The following DNAH1 variants were observed in gnomAD, a reference collection of about 807,000 sequenced individuals.
DNAH1 encodes dynein axonemal heavy chain 1.
Under a neutral mutation model 484.3 loss-of-function variants are expected in DNAH1, and 327 were observed. The ratio of observed to expected loss-of-function variants is 0.68; its 90% CI spans 0.62 to 0.74. The LOEUF (loss-of-function observed/expected upper bound fraction) is 0.74. Ranked by LOEUF, DNAH1 falls within the 30% of genes least tolerant of loss-of-function variation. DNAH1 has a pLI of 0.00. For missense variants in DNAH1, 5,052 were observed against 5,546.8 expected, an observed-to-expected ratio of 0.91 and a Z score of 2.83; for synonymous variants, 2,192 against 2,191.9, an observed-to-expected ratio of 1.00 and a Z score of 0.00.
rs772558487 is a variant in DNAH1, at chr3:52,392,812, C to A, written c.10279-18C>A. 1 of 666,750 alleles carries A rather than the reference C, an allele frequency of 1.5e-6. No individual in the cohort carries two copies. The highest frequency in any genetic ancestry group is 2.6e-6 in the Non-Finnish European group (1 of 383,602). The allele number at this position is 666,750 out of a possible 1,614,324, so 41.3% of individuals were successfully genotyped here. ...CCTTCTGCTCTTTGACCCCTCCCCC[C>A]ACCCACTACACCCACAGGCCAAAGT... is the stretch of plus-strand genomic sequence containing the variant. On this transcript the variant is annotated intron_variant, in intron 64 of 77. Transcript: ENST00000420323.
rs369106781 is a variant in DNAH1, at chr3:52,391,347, T to A, written c.9891+19T>A. The A allele has an allele frequency of 3.9e-5, 62 of 1,600,062 alleles. No individual in the cohort carries two copies. The highest frequency in any genetic ancestry group is 5.1e-5 in the Non-Finnish European group (60 of 1,173,456). ...CAAGCAGGTGGGTCTGCAGTGGTGA[T>A]GGCAGGGTGGCAGTAGGCCTGGACA... is the stretch of plus-strand genomic sequence containing the variant. On this transcript the variant is annotated intron_variant, in intron 62 of 77. Coordinates refer to ENST00000420323, the MANE Select transcript of DNAH1 (RefSeq NM_015512.5).
rs967095736 is a variant in DNAH1, at chr3:52,362,577, A to G, written c.5094+76A>G. 7.6e-7 allele frequency: 1 copy of G among 1,315,634 alleles called. No individual in the cohort carries two copies. The highest frequency in any genetic ancestry group is 2.5e-5 in the East Asian group (1 of 40,446). The allele number at this position is 1,315,634 out of a possible 1,614,324, so 81.5% of individuals were successfully genotyped here. On this transcript the variant is annotated intron_variant, in intron 31 of 77. Coordinates refer to ENST00000420323, the MANE Select transcript of DNAH1 (RefSeq NM_015512.5). The surrounding 1 kb of genome is among the most constrained non-coding windows in gnomAD (Gnocchi z 5.1). Reference sequence around the variant, plus strand: ...TTCAGAGATGCTAAGCCACTTATGCAAGGACACAGTTGCTTGGACTCCAGG... The same window carrying G: ...TTCAGAGATGCTAAGCCACTTATGCGAGGACACAGTTGCTTGGACTCCAGG...
intron 8 of DNAH1, among the ~76,000 whole-genome samples, chr3:52,339,557 C>T (rs144289463): frequency 6.6e-5 from 10 of 152,142 alleles, no homozygotes; most frequent in Admixed American, 3.3e-4. Flanking sequence ...CTGCTTGGTA[C>T]TTGTTTATTT....
At position 52,349,997 on chromosome 3, in the gene DNAH1, G is replaced by T. The variant is rs1179194705; in HGVS notation, c.2535G>T (p.Glu845Asp). 1.2e-6 allele frequency: 2 copies of T among 1,609,796 alleles called. No individual in the cohort carries two copies. Among genetic ancestry groups the T allele is most frequent in the East Asian group, 4.5e-5 (2 of 44,752 alleles). The stretch of plus-strand genomic sequence containing the variant: ...CCTCCTCCCACTGCCAGATCTGCGA[G>T]GAGTTCCGCAGCATCAGCCGCAAGA... Reference protein sequence around the residue: ...NLHKEVDSICEEFRSISRKIY... With the variant: ...NLHKEVDSICDEFRSISRKIY... The change falls in exon 15 of 78, where the codon GAG becomes GAT. Residue 845 changes from glutamate (E) to aspartate (D), a missense_variant. By Grantham distance (45) the Glu-to-Asp change is conservative. Coordinates refer to ENST00000420323, the MANE Select transcript of DNAH1 (RefSeq NM_015512.5).
At chr3:52,394,844 G>T in intron 67 of DNAH1, 71 bp from the exon 68 acceptor site, 1 of 1,573,872 alleles carries the variant, frequency 6.4e-7, no homozygotes, top group Non-Finnish European at 8.6e-7. Flanking sequence ...TGTCCGGCTG[G>T]CCGAATCCCT....
intron 44 of DNAH1, chr3:52,374,710 AG>A (rs1376295124): frequency 7.3e-7 from 1 of 1,373,584 alleles, no homozygotes; most frequent in African/African-American, 1.4e-5. Flanking sequence ...CATTGGAACA[AG>A]ATAATACATG....
chr3:52,365,148 C>T (rs1004023611), intron 34 of DNAH1, 129 bp downstream of exon 34: 11 of 1,301,278 alleles, frequency 8.5e-6, no homozygotes, highest in South Asian at 4.7e-5. Flanking sequence ...GCTGCAGGCC[C>T]GGGCTCTCAG....
In DNAH1 at chr3:52,358,052, C is replaced by A. The variant is rs752988788; in HGVS notation, c.4086+49C>A. The A allele has an allele frequency of 1.0e-5, 14 of 1,402,140 alleles. No individual in the cohort carries two copies. Among genetic ancestry groups the A allele is most frequent in the Non-Finnish European group, 1.4e-5 (14 of 1,025,472 alleles). 86.9% of individuals were successfully genotyped at this position (1,402,140 alleles called of 1,614,324 possible). A position where few individuals can be genotyped will look rare whatever the true frequency, so the allele number is the denominator to read the frequency against. On this transcript the variant is annotated intron_variant, in intron 24 of 77. Coordinates refer to ENST00000420323, the MANE Select transcript of DNAH1 (RefSeq NM_015512.5). The surrounding 1 kb of genome is among the most constrained non-coding windows in gnomAD (Gnocchi z 4.2). ...AGGGCTGGGAGCATGGGGCATCTTC[C>A]CAGGGAGAACGTCCCTCCCTTTGTG...
Position 52,370,570 on chromosome 3 carries a change from A to G in DNAH1, c.6352A>G (p.Thr2118Ala), listed in dbSNP as rs1703291257. The change falls in exon 40 of 78, where the codon ACT (threonine) becomes GCT (alanine). Residue 2118 changes from threonine to alanine, a missense_variant. Coordinates refer to ENST00000420323, the MANE Select transcript of DNAH1 (RefSeq NM_015512.5). ...CTCCCTGATCTGGAGCGTGGGTGCC[A>G]CTGGGGACAGCAGTGGCCGCACCAG... is the stretch of plus-strand genomic sequence containing the variant. Reference protein sequence around the residue: ...IFSLIWSVGATGDSSGRTSFS... With the variant: ...IFSLIWSVGAAGDSSGRTSFS... The G allele has an allele frequency of 9.3e-6, 15 of 1,613,842 alleles. No individual in the cohort carries two copies. The highest frequency in any genetic ancestry group is 1.3e-5 in the Non-Finnish European group (15 of 1,179,826).
chr3:52,388,429 G>A lies in DNAH1; in HGVS notation c.9183G>A (p.Leu3061=), dbSNP rs1295403998. ...CCTCCGCCCCACAGCAAGCCCTGCT[G>A]GAGGCCCAGGATGACCTGGGGGTGA... ...KAVEPKRQAL[L]EAQDDLGVTQ... is the part of the protein sequence containing the mutation. The change falls in exon 58 of 78, where the codon CTG becomes CTA. Residue 3061 remains leucine (L), a synonymous_variant. Transcript: ENST00000420323. The A allele has an allele frequency of 6.2e-7, 1 of 1,611,746 alleles. No homozygotes were observed. The highest frequency in any genetic ancestry group is 1.3e-5 in the African/African-American group (1 of 74,908).
At chr3:52,333,408 A>G (rs1292094909) in intron 8 of DNAH1, among the ~76,000 whole-genome samples, 1 of 117,614 alleles carries the variant, frequency 8.5e-6, no homozygotes, top group East Asian at 2.3e-4. Context: ...TTTTTTTGAG[A>G]TGGAGTTTGA....
intron 8 of DNAH1, among the ~76,000 whole-genome samples, chr3:52,342,890 A>T (rs1467086584): frequency 6.6e-6 from 1 of 152,176 alleles, no homozygotes; most frequent in Non-Finnish European, 1.5e-5. Context: ...GATAGGTGTG[A>T]GGGTTCTGGC....
In DNAH1 at chr3:52,370,493, C is replaced by T. The variant is rs779088247; in HGVS notation, c.6275C>T (p.Pro2092Leu). The T allele has an allele frequency of 6.2e-7, 1 of 1,613,978 alleles. No individual in the cohort carries two copies. The highest frequency in any genetic ancestry group is 2.2e-5 in the East Asian group (1 of 44,888). Residue 2092 changes from proline to leucine, a missense_variant, in exon 40 of 78, where the codon CCC becomes CTC. Pro to Leu is a moderately conservative substitution (Grantham distance 98). Coordinates refer to ENST00000420323, the MANE Select transcript of DNAH1 (RefSeq NM_015512.5). Reference protein sequence around the residue: ...FLPREGLKKIPSEKLSRIVEL... With the variant: ...FLPREGLKKILSEKLSRIVEL... The stretch of plus-strand genomic sequence containing the variant: ...CATCCCCAGGGCCTCAAGAAAATAC[C>T]CTCTGAAAAGCTGAGTCGCATCGTA...
At position 52,384,732 on chromosome 3, in the gene DNAH1, CCT is replaced by C. The variant is rs1240132961; in HGVS notation, c.8323-53_8323-52del. 3 of 1,495,006 alleles carry C rather than the reference CCT, an allele frequency of 2.0e-6. No individual in the cohort carries two copies. In the African/African-American group the frequency reaches 4.2e-5, roughly 21 times the overall value. 92.6% of individuals were successfully genotyped at this position (1,495,006 alleles called of 1,614,324 possible). On this transcript the variant is annotated intron_variant, in intron 52 of 77. Coordinates refer to ENST00000420323, the MANE Select transcript of DNAH1 (RefSeq NM_015512.5). The stretch of plus-strand genomic sequence containing the variant: ...TTGCAGTGGCTGTGGGCACCCAGTC[CCT>C]GTCTTTCCTGGGGCCTCTACCAGGC...
intron 44 of DNAH1, chr3:52,374,044 G>A (rs1448898610): frequency 1.4e-5 from 14 of 1,014,884 alleles, no homozygotes; most frequent in Non-Finnish European, 2.0e-5. Context: ...TTGATCAGAA[G>A]TTTGTATTGC....
At chr3:52,318,783 G>A (rs995278382) in intron 1 of DNAH1, among the ~76,000 whole-genome samples, 1 of 152,228 alleles carries the variant, frequency 6.6e-6, no homozygotes, top group Non-Finnish European at 1.5e-5. Context: ...CCCCAAGCCT[G>A]GGGGAGCAAT....
chr3:52,332,866 T>G (rs1402975973), intron 8 of DNAH1, among the ~76,000 whole-genome samples: 1 of 152,144 alleles, frequency 6.6e-6, no homozygotes, highest in African/African-American at 2.4e-5. Flanking sequence ...CCAAGGAAGC[T>G]CTTTTTATTT....
Position 52,396,813 on chromosome 3 carries a change from A to G in DNAH1, c.11610+16A>G. The G allele has an allele frequency of 1.2e-6, 2 of 1,612,634 alleles. No homozygotes were observed. Among genetic ancestry groups the G allele is most frequent in the Non-Finnish European group, 8.5e-7 (1 of 1,179,230 alleles). On this transcript the variant is annotated intron_variant, in intron 72 of 77. Transcript: ENST00000420323. ...CCCCTACAAGGTGGGCCTGGGGCAG[A>G]CTGGGGCCTGGGGGACTGGGCACTT...
intron 8 of DNAH1, among the ~76,000 whole-genome samples, chr3:52,334,349 G>A (rs1016482933): frequency 2.0e-5 from 3 of 152,222 alleles, no homozygotes; most frequent in Middle Eastern, 3.2e-3. Context: ...TGGAAGTTGC[G>A]GTGGTTGAGT....
Sources: gnomAD v4.1 joint callset for allele counts (sites outside exome capture counted in the v4.1 genomes callset) on GRCh38, gnomAD v4.1.1 for gene constraint, Gnocchi (gnomAD v3.1) non-coding constraint, MANE v1.5 for transcripts, NCBI Gene and HGNC (gene_info 2026-07-23, HGNC 2026-07-21) for gene names.